Variants in SPIRE2 observed in about 807,000 individuals in gnomAD.
The protein encoded by SPIRE2 is spire type actin nucleation factor 2, also known as protein spire homolog 2.
A neutral mutation model predicts 80.7 loss-of-function variants in SPIRE2; 76 were observed. The ratio of observed to expected loss-of-function variants is 0.94; its 90% confidence interval spans 0.78 to 1.14. The LOEUF is 1.14. SPIRE2 is among the 50% of genes most tolerant of loss of function. The pLI is 0.00. For synonymous variants in SPIRE2, 535 were observed against 432.6 expected (o/e 1.24, Z -2.94); for missense variants, 1,196 against 1,015.3 (o/e 1.18, Z -2.42).
chr16:89,865,004 C>CTT lies in SPIRE2; in HGVS notation c.1778+1162_1778+1163dup, dbSNP rs398042284. On this transcript the variant is annotated intron_variant, in intron 12 of 14. Transcript: ENST00000378247. ...GAAAATTGGAAGTATACTTTTTTTCCTTTTTTTTTTTTTTTTTTTTGAGAA... is the reference window on the plus strand; with the variant it reads ...GAAAATTGGAAGTATACTTTTTTTCCTTTTTTTTTTTTTTTTTTTTTTGAGAA... 2.0e-3 allele frequency among the ~76,000 whole-genome samples: 252 copies of CTT among 125,318 alleles called. 2 individuals carry two copies. Among genetic ancestry groups the CTT allele is most frequent in the South Asian group, 3.1e-3 (12 of 3,866 alleles). 82.2% of individuals were successfully genotyped at this position (125,318 alleles called of 152,430 possible). A position where few individuals can be genotyped will look rare whatever the true frequency, so the allele number is the denominator to read the frequency against.
In SPIRE2 at chr16:89,863,656, G is replaced by A; in HGVS notation, c.1710+46G>A. On this transcript the variant is annotated intron_variant, in intron 11 of 14. Coordinates refer to ENST00000378247, the MANE Select transcript of SPIRE2 (RefSeq NM_032451.2). This position sits in a 1 kb window ranked among gnomAD's most constrained non-coding sequence, Gnocchi z 4.3. Reference sequence around the variant, plus strand: ...GGCTACGCTCTTGCCCGCTGGGTCAGGGGCGGGTGCCGAGAGGGCCAGTTC... The same window carrying A: ...GGCTACGCTCTTGCCCGCTGGGTCAAGGGCGGGTGCCGAGAGGGCCAGTTC... 1 of 1,613,752 alleles carries A rather than the reference G, an allele frequency of 6.2e-7. No homozygotes were observed. Among genetic ancestry groups the A allele is most frequent in the South Asian group, 1.1e-5 (1 of 91,058 alleles).
chr16:89,855,294 A>G (rs1331996817), intron 5 of SPIRE2, among the ~76,000 whole-genome samples: 1 of 152,084 alleles, frequency 6.6e-6, no homozygotes, highest in Non-Finnish European at 1.5e-5. Context: ...AGGCGCCGGC[A>G]TGGTTCTTAT....
rs1567679707 is a variant in SPIRE2 at position 89,869,056 on chromosome 16, AT to A, written c.1807-510del. Among the ~76,000 whole-genome samples the A allele has an allele frequency of 4.8e-3, 349 of 72,224 alleles. 8 individuals carry two copies. The highest frequency in any genetic ancestry group is 0.022 in the African/African-American group (327 of 14,956). The allele number at this position is 72,224 out of a possible 152,430, so 47.4% of individuals were successfully genotyped here. ...TAAAAAAAAAAAAAAAAAAAAAAAT[AT>A]ATATATATATATATATATGTTACCC... On this transcript the variant is annotated intron_variant, in intron 13 of 14. Transcript: ENST00000378247.
At position 89,870,518 on chromosome 16, in the gene SPIRE2, CAG is replaced by C. The variant is rs2041830904; in HGVS notation, c.*247_*248del. Reference sequence around the variant, plus strand: ...CTTGCCAGGGAGGAAGGGGAGGGAACAGGGTGGGTTTTCTCACTGAAGAGAGA... The same window carrying C: ...CTTGCCAGGGAGGAAGGGGAGGGAACGGTGGGTTTTCTCACTGAAGAGAGA... On this transcript the variant is annotated 3_prime_UTR_variant, in exon 15 of 15. Transcript: ENST00000378247. The C allele has an allele frequency of 2.2e-6, 1 of 457,844 alleles. No homozygotes were observed. 28.4% of individuals were successfully genotyped at this position (457,844 alleles called of 1,614,324 possible).
At chr16:89,836,283 G>C (rs2041448583) in intron 1 of SPIRE2, 2 of 455,846 alleles carry the variant, frequency 4.4e-6, no homozygotes, top group Non-Finnish European at 8.8e-6. Flanking sequence ...AACTGCCACT[G>C]TAAGCTCCTC....
Position 89,869,556 on chromosome 16 carries a change from CTG to C in SPIRE2, c.1807-8_1807-7del, listed in dbSNP as rs1364855782. The C allele has an allele frequency of 6.3e-7, 1 of 1,580,338 alleles. No individual in the cohort carries two copies. The highest frequency in any genetic ancestry group is 8.7e-7 in the Non-Finnish European group (1 of 1,149,662). The stretch of plus-strand genomic sequence containing the variant: ...GGTGCCTGGTTCATACCTCCTCCCT[CTG>C]TGCTGCAGATGAAGATGCCTTCTAA... On this transcript the variant is annotated splice_polypyrimidine_tract_variant and intron_variant, in intron 13 of 14. Coordinates refer to ENST00000378247, the MANE Select transcript of SPIRE2 (RefSeq NM_032451.2).
intron 1 of SPIRE2, among the ~76,000 whole-genome samples, chr16:89,841,778 A>G (rs1277638643): frequency 6.6e-6 from 1 of 151,616 alleles, no homozygotes; most frequent in Non-Finnish European, 1.5e-5. Flanking sequence ...GCTCACCGCA[A>G]CCTCCACCTC....
chr16:89,834,765 G>A (rs1345151262), intron 1 of SPIRE2, among the ~76,000 whole-genome samples: 7 of 106,850 alleles, frequency 6.6e-5, no homozygotes, highest in Admixed American at 5.7e-4. Flanking sequence ...GTTGGCCATC[G>A]TAGAAGTGTG....
chr16:89,850,627 G>T lies in SPIRE2; in HGVS notation c.612G>T (p.Arg204=). ...TCTTCGTGGAGACGCTGGAGCTGCG[G>T]GCCTTCCTGGCCAGGGTCCGGGAGG... is the stretch of plus-strand genomic sequence containing the variant. ...RALFVETLEL[R]AFLARVREAK... is the part of the protein sequence containing the mutation. Residue 204 remains arginine, a synonymous_variant, in exon 3 of 15, where the codon CGG becomes CGT. Coordinates refer to ENST00000378247, the MANE Select transcript of SPIRE2 (RefSeq NM_032451.2). 1.3e-6 allele frequency: 2 copies of T among 1,512,650 alleles called. No individual in the cohort carries two copies. The highest frequency in any genetic ancestry group is 1.8e-6 in the Non-Finnish European group (2 of 1,136,568). The allele number at this position is 1,512,650 out of a possible 1,614,324, so 93.7% of individuals were successfully genotyped here. A position where few individuals can be genotyped will look rare whatever the true frequency, so the allele number is the denominator to read the frequency against.
intron 1 of SPIRE2, among the ~76,000 whole-genome samples, chr16:89,837,289 G>A (rs1218836262): frequency 1.3e-5 from 2 of 152,182 alleles, no homozygotes; most frequent in Non-Finnish European, 2.9e-5. Flanking sequence ...AGGGGACTCG[G>A]ATGGTGGTGA....
intron 1 of SPIRE2, chr16:89,836,257 C>T: frequency 2.2e-6 from 1 of 455,996 alleles, no homozygotes; most frequent in South Asian, 1.5e-5. Flanking sequence ...TGTCAGGGGT[C>T]AGCACCTGGA....
intron 12 of SPIRE2, among the ~76,000 whole-genome samples, chr16:89,867,084 C>T (rs1438594551): frequency 6.6e-6 from 1 of 151,806 alleles, no homozygotes; most frequent in Non-Finnish European, 1.5e-5. Context: ...TAGAAGGAAT[C>T]TTAGATGTCT....
At chr16:89,859,052 C>G (rs2041718504) in intron 8 of SPIRE2, 113 bp from the exon 9 acceptor site, 1 of 977,462 alleles carries the variant, frequency 1.0e-6, no homozygotes, top group Non-Finnish European at 1.5e-6. Context: ...TGGAGGCTGC[C>G]CCACATCGCA....
chr16:89,857,558 G>C lies in SPIRE2; in HGVS notation c.1103-780G>C, dbSNP rs139113945. 8.6e-5 allele frequency among the ~76,000 whole-genome samples: 13 copies of C among 151,268 alleles called. No individual in the cohort carries two copies. In the East Asian group the frequency reaches 2.5e-3, roughly 29 times the overall value. On this transcript the variant is annotated intron_variant, in intron 7 of 14. Transcript: ENST00000378247. ...TAGAATAAAAGCAAATTTTTAAAATGTTTTTCTTTTCTTTTCCTTTTTTTT... is the reference window on the plus strand; with the variant it reads ...TAGAATAAAAGCAAATTTTTAAAATCTTTTTCTTTTCTTTTCCTTTTTTTT...
At chr16:89,859,394 C>T in intron 9 of SPIRE2, 40 bp downstream of exon 9, 1 of 1,286,830 alleles carries the variant, frequency 7.8e-7, no homozygotes, top group Middle Eastern at 2.8e-4. Context: ...CCTTCGCCCC[C>T]ACCCCGATCC....
intron 6 of SPIRE2, 118 bp downstream of exon 6, chr16:89,855,804 C>T: frequency 4.7e-6 from 5 of 1,064,332 alleles, no homozygotes; most frequent in South Asian, 2.9e-5. Context: ...TGTCCCAGTG[C>T]GTCTGCGTCA....
rs1281368573 is a variant in SPIRE2 at position 89,828,494 on chromosome 16, G to T, written c.-57G>T. 2 of 996,430 alleles carry T rather than the reference G, an allele frequency of 2.0e-6. No homozygotes were observed. Among genetic ancestry groups the T allele is most frequent in the South Asian group, 4.6e-5 (1 of 21,968 alleles). 61.7% of individuals were successfully genotyped at this position (996,430 alleles called of 1,614,324 possible). On this transcript the variant is annotated 5_prime_UTR_variant, in exon 1 of 15. Transcript: ENST00000378247. The surrounding 1 kb of genome is among the most constrained non-coding windows in gnomAD (Gnocchi z 5.9). ...GCGGCCAGGCTGACCCTGCGCGGCG[G>T]AAGGCGCGGCTGCATGGACGCGGGT...
At chr16:89,837,283 G>A (rs111704217) in intron 1 of SPIRE2, among the ~76,000 whole-genome samples, 1 of 152,284 alleles carries the variant, frequency 6.6e-6, no homozygotes, top group Non-Finnish European at 1.5e-5. Flanking sequence ...ACCCTCAGGG[G>A]ACTCGGATGG....
At position 89,845,313 on chromosome 16, in the gene SPIRE2, C is replaced by G. The variant is rs1475797510; in HGVS notation, c.245-9C>G. On this transcript the variant is annotated splice_polypyrimidine_tract_variant and intron_variant, in intron 1 of 14. Transcript: ENST00000378247. ...CTGACAAATAACTTAACTCCCTCTT[C>G]TCTTACAGAACCTGCAACCATGGTC... 1.2e-6 allele frequency: 2 copies of G among 1,613,500 alleles called. No homozygotes were observed. The highest frequency in any genetic ancestry group is 1.3e-5 in the African/African-American group (1 of 75,008).
Sources: allele counts gnomAD v4.1 joint callset (sites outside exome capture counted in the v4.1 genomes callset), GRCh38; gene constraint gnomAD v4.1.1; non-coding constraint Gnocchi (gnomAD v3.1); transcripts MANE v1.5; gene names NCBI Gene and HGNC (gene_info 2026-07-23, HGNC 2026-07-21).